Variants in PSD3 observed in about 807,000 individuals in gnomAD.
PSD3 encodes the protein PH and SEC7 domain-containing protein 3.
A neutral mutation model predicts 105.5 loss-of-function variants in PSD3; 49 were observed. The observed-to-expected ratio is 0.46, with a 90% CI of 0.37 to 0.59. The LOEUF is 0.59. PSD3 is among the 20% of genes least tolerant of loss of function. The probability of loss-of-function intolerance (pLI) is 0.00; values close to 1 mark genes in which losing one functional copy is unlikely to be tolerated. For missense variants in PSD3, 1,561 were observed against 1,263.8 expected, an observed-to-expected ratio of 1.24 and a Z score of -3.57; for synonymous variants, 557 against 457.8, an observed-to-expected ratio of 1.22 and a Z score of -2.77.
chr8:19,066,143 G>T lies in PSD3; in HGVS notation c.324+18063C>A, dbSNP rs547177219. 2.8e-4 allele frequency among the ~76,000 whole-genome samples: 43 copies of T among 152,238 alleles called. 1 individual carries two copies. Among genetic ancestry groups the T allele is most frequent in the Non-Finnish European group, 2.8e-4 (19 of 68,024 alleles). On this transcript the variant is annotated intron_variant, in intron 1 of 1. Coordinates refer to the PSD3 transcript ENST00000521475. ...ATGAATTGCTAATAAAAGCCAACTG[G>T]ATCTTTAAACTAAATTTGTTGAATT...
At chr8:18,844,793 C>G (rs1814946655) in intron 4 of PSD3, among the ~76,000 whole-genome samples, 1 of 152,160 alleles carries the variant, frequency 6.6e-6, no homozygotes, top group Non-Finnish European at 1.5e-5. Context: ...AGATTTTAAC[C>G]AAGAGAAGAA....
intron 15 of PSD3, among the ~76,000 whole-genome samples, chr8:18,540,999 C>T (rs1800120395): frequency 6.6e-6 from 1 of 151,716 alleles, no homozygotes; most frequent in Admixed American, 6.6e-5. Context: ...ACAGGACTTC[C>T]TCCCTCCCCT....
intron 11 of PSD3, among the ~76,000 whole-genome samples, chr8:18,631,911 T>A (rs923384123): frequency 3.9e-5 from 6 of 152,052 alleles, no homozygotes; most frequent in African/African-American, 1.4e-4. Context: ...CATGTCACCT[T>A]ATCTTACTCT....
intron 9 of PSD3, among the ~76,000 whole-genome samples, chr8:18,704,583 G>A (rs1462504535): frequency 6.6e-6 from 1 of 152,130 alleles, no homozygotes; most frequent in Non-Finnish European, 1.5e-5. Flanking sequence ...CTCGTGATCT[G>A]CCTGCCTCAG....
intron 9 of PSD3, among the ~76,000 whole-genome samples, chr8:18,722,474 T>G (rs1803052606): frequency 6.6e-6 from 1 of 152,234 alleles, no homozygotes; most frequent in African/African-American, 2.4e-5. Context: ...TTGTAAAAGG[T>G]TTCCCTTCAA....
chr8:18,772,078 G>A (rs1807593270), intron 8 of PSD3, among the ~76,000 whole-genome samples: 2 of 152,264 alleles, frequency 1.3e-5, no homozygotes, highest in South Asian at 4.1e-4. Context: ...TTTTAAGGCT[G>A]AACGATTTTC....
chr8:18,534,454 T>C lies in PSD3; in HGVS notation c.*1289A>G, dbSNP rs1171686091. 1 of 152,582 alleles carries C rather than the reference T, an allele frequency of 6.6e-6. No individual in the cohort carries two copies. Among genetic ancestry groups the C allele is most frequent in the African/African-American group, 2.4e-5 (1 of 41,434 alleles). 9.5% of individuals were successfully genotyped at this position (152,582 alleles called of 1,614,324 possible). A position where few individuals can be genotyped will look rare whatever the true frequency, so the allele number is the denominator to read the frequency against. On this transcript the variant is annotated 3_prime_UTR_variant, in exon 16 of 16. Coordinates refer to ENST00000327040, the MANE Select transcript of PSD3 (RefSeq NM_015310.4). The stretch of plus-strand genomic sequence containing the variant: ...AACAAGCTCATGACTGCAAAGTTAA[T>C]AGAACCATTTTGAGTAGACAGAAAG...
intron 9 of PSD3, among the ~76,000 whole-genome samples, chr8:18,764,851 A>G (rs138003363): frequency 1.3e-5 from 2 of 152,282 alleles, no homozygotes; most frequent in East Asian, 1.9e-4. Flanking sequence ...TTTGTACTCA[A>G]TCAAATGCCC....
At chr8:18,723,944 A>G (rs924385263) in intron 9 of PSD3, among the ~76,000 whole-genome samples, 3 of 152,324 alleles carry the variant, frequency 2.0e-5, no homozygotes, top group African/African-American at 7.2e-5. Context: ...ACAATGGAAT[A>G]CCTAAGGAAG....
intron 2 of PSD3, among the ~76,000 whole-genome samples, chr8:18,902,377 A>G (rs1047149104): frequency 1.8e-4 from 27 of 152,152 alleles, no homozygotes; most frequent in African/African-American, 6.0e-4. Flanking sequence ...TGAATTTCTC[A>G]TTCACATGGT....
chr8:18,996,986 C>A (rs76285095), intron 1 of PSD3, among the ~76,000 whole-genome samples: 1 of 151,870 alleles, frequency 6.6e-6, no homozygotes, highest in Admixed American at 6.6e-5. Context: ...GGCAAGACCT[C>A]GCACTCTCGA....
intron 11 of PSD3, among the ~76,000 whole-genome samples, chr8:18,629,377 CAT>C (rs973212678): frequency 1.3e-5 from 2 of 151,942 alleles, no homozygotes; most frequent in Non-Finnish European, 2.9e-5. Context: ...GAAATGAAAA[CAT>C]ATGTACGTGC....
chr8:18,576,840 C>T (rs560631361), intron 12 of PSD3, among the ~76,000 whole-genome samples: 3 of 151,608 alleles, frequency 2.0e-5, no homozygotes, highest in South Asian at 2.1e-4. Context: ...TCCCCTAACA[C>T]ACCTAATGAT....
At chr8:18,641,039 G>A (rs1280896490) in intron 10 of PSD3, among the ~76,000 whole-genome samples, 1 of 152,166 alleles carries the variant, frequency 6.6e-6, no homozygotes, top group East Asian at 1.9e-4. Context: ...ACTTTCTGCA[G>A]GTGCCTTGCA....
At chr8:18,902,692 T>C (rs1819584638) in intron 2 of PSD3, among the ~76,000 whole-genome samples, 1 of 152,204 alleles carries the variant, frequency 6.6e-6, no homozygotes, top group African/African-American at 2.4e-5. Flanking sequence ...AGTAGGGTTT[T>C]ACTGTGCTGG....
chr8:18,796,991 C>T (rs1810242960), intron 8 of PSD3, among the ~76,000 whole-genome samples: 1 of 151,914 alleles, frequency 6.6e-6, no homozygotes, highest in South Asian at 2.1e-4. Context: ...GACACTAAAA[C>T]AACAACAAAA....
At chr8:18,581,109 A>T (rs1474687534) in intron 12 of PSD3, among the ~76,000 whole-genome samples, 3 of 152,198 alleles carry the variant, frequency 2.0e-5, no homozygotes, top group Non-Finnish European at 2.9e-5. Flanking sequence ...GCACTTGGCT[A>T]GCGGATGACT....
intron 4 of PSD3, among the ~76,000 whole-genome samples, chr8:18,814,501 T>C (rs1051883760): frequency 1.3e-5 from 2 of 152,174 alleles, no homozygotes; most frequent in Non-Finnish European, 2.9e-5. Context: ...ATTTACTTAT[T>C]TATTTATTTT....
intron 12 of PSD3, among the ~76,000 whole-genome samples, chr8:18,584,065 T>G (rs1802994100): frequency 6.6e-6 from 1 of 152,200 alleles, no homozygotes; most frequent in African/African-American, 2.4e-5. Context: ...CAGTTCCACA[T>G]ACTTCATGGT....
Sources: allele counts gnomAD v4.1 joint callset (sites outside exome capture counted in the v4.1 genomes callset), GRCh38; gene constraint gnomAD v4.1.1; transcripts MANE v1.5; gene names NCBI Gene and HGNC (gene_info 2026-07-23, HGNC 2026-07-21).